CSRNP3: variants seen among roughly 807,000 people sequenced by gnomAD.
CSRNP3 encodes cysteine and serine rich nuclear protein 3.
CSRNP3 carries 12 observed loss-of-function variants against 48.0 expected under a neutral mutation model. That is an observed-to-expected ratio of 0.25 (90% CI 0.16 to 0.41). The LOEUF (loss-of-function observed/expected upper bound fraction) is 0.41, where lower values mean the gene tolerates loss of function less well. Among genes scored for constraint, CSRNP3 ranks in the 10% least tolerant of loss-of-function variants. The pLI is 1.00. For missense variants in CSRNP3, 580 were observed against 724.4 expected (o/e 0.80, Z 2.29); for synonymous variants, 263 against 269.7 (o/e 0.98, Z 0.24).
intron 1 of CSRNP3, among the ~76,000 whole-genome samples, chr2:165,473,803 T>C (rs1683923450): frequency 6.6e-6 from 1 of 152,160 alleles, no homozygotes; most frequent in African/African-American, 2.4e-5. Flanking sequence ...ATGGCCTAAA[T>C]TGTTTGAGCT....
rs138114560 is a variant in CSRNP3, at chr2:165,625,306, A to G, written c.148+30093A>G. On this transcript the variant is annotated intron_variant, in intron 4 of 6. Coordinates refer to ENST00000651982, the MANE Select transcript of CSRNP3 (RefSeq NM_001172173.2). ...GGGTAAGGAGACAGGTAACAAATAT[A>G]CATAACATGTAGTTGTAAGTGCTCT... Among the ~76,000 whole-genome samples, 7 of 152,040 alleles carry G rather than the reference A, an allele frequency of 4.6e-5. 1 individual carries two copies. In the East Asian group the frequency reaches 1.4e-3, roughly 29 times the overall value.
chr2:165,477,990 A>G (rs887974509), intron 1 of CSRNP3, among the ~76,000 whole-genome samples: 5 of 152,002 alleles, frequency 3.3e-5, no homozygotes, highest in Non-Finnish European at 7.4e-5. Flanking sequence ...AAAGAAAGAA[A>G]GAAAGGAAAG....
chr2:165,546,231 G>A (rs183448023), intron 3 of CSRNP3, among the ~76,000 whole-genome samples: 81 of 152,038 alleles, frequency 5.3e-4, no homozygotes, highest in African/African-American at 1.8e-3. Context: ...TCACTCTGTC[G>A]CCCAGGCTGG....
chr2:165,582,864 A>G (rs1685570509), intron 3 of CSRNP3, among the ~76,000 whole-genome samples: 2 of 152,228 alleles, frequency 1.3e-5, no homozygotes, highest in South Asian at 4.1e-4. Flanking sequence ...TACCGCATAT[A>G]AAGTAACTCA....
intron 3 of CSRNP3, among the ~76,000 whole-genome samples, chr2:165,537,637 TA>T (rs2105249343): frequency 1.3e-5 from 2 of 151,742 alleles, no homozygotes; most frequent in South Asian, 4.2e-4. Flanking sequence ...ACAATTTTTT[TA>T]AAAATTTCAT....
At chr2:165,621,311 A>G (rs1342209425) in intron 4 of CSRNP3, among the ~76,000 whole-genome samples, 1 of 147,198 alleles carries the variant, frequency 6.8e-6, no homozygotes, top group East Asian at 2.0e-4. Flanking sequence ...TTTTTTTGAA[A>G]TACCACTGAT....
chr2:165,516,615 T>C lies in CSRNP3; in HGVS notation c.-112-1258T>C, dbSNP rs573146128. On this transcript the variant is annotated intron_variant, in intron 2 of 6. Transcript: ENST00000651982. ...CAATTTTTTAAAAACCTAAAAATCA[T>C]TAAAAATAATAAAATTGAATTTTGA... Among the ~76,000 whole-genome samples, 12 of 152,240 alleles carry C rather than the reference T, an allele frequency of 7.9e-5. No individual in the cohort carries two copies. The South Asian group carries it at 2.5e-3, about 32-fold the overall frequency.
chr2:165,514,877 T>G (rs561765555), intron 2 of CSRNP3, among the ~76,000 whole-genome samples: 1 of 152,334 alleles, frequency 6.6e-6, no homozygotes, highest in East Asian at 1.9e-4. Context: ...TTCGGTAGAC[T>G]TCACCCTAGT....
intron 5 of CSRNP3, among the ~76,000 whole-genome samples, chr2:165,674,028 AT>A (rs1370153474): frequency 3.3e-5 from 5 of 152,182 alleles, no homozygotes; most frequent in Non-Finnish European, 7.3e-5. Flanking sequence ...CTCAAAAAAA[AT>A]AATAAATATA....
chr2:165,673,553 T>G (rs575632098), intron 5 of CSRNP3, among the ~76,000 whole-genome samples: 1 of 152,300 alleles, frequency 6.6e-6, no homozygotes, highest in South Asian at 2.1e-4. Flanking sequence ...GTAAACTGAA[T>G]CTGCAGTTCA....
In CSRNP3 at chr2:165,687,539, A is replaced by G. The variant is rs1687649620; in HGVS notation, c.*7786A>G. 6.6e-6 allele frequency: 1 copy of G among 152,036 alleles called. No homozygotes were observed. Among genetic ancestry groups the G allele is most frequent in the South Asian group, 2.1e-4 (1 of 4,830 alleles). The allele number at this position is 152,036 out of a possible 1,614,324, so 9.4% of individuals were successfully genotyped here. A position where few individuals can be genotyped will look rare whatever the true frequency, so the allele number is the denominator to read the frequency against. On this transcript the variant is annotated 3_prime_UTR_variant, in exon 7 of 7. Coordinates refer to ENST00000651982, the MANE Select transcript of CSRNP3 (RefSeq NM_001172173.2). The stretch of plus-strand genomic sequence containing the variant: ...ATTAATCTTTCCTTGGCTTAAAATG[A>G]CAAATAAGAATCCAAAGTTTTTCCA...
intron 3 of CSRNP3, among the ~76,000 whole-genome samples, chr2:165,527,199 C>CTTTTTT (rs535826285): frequency 5.7e-5 from 5 of 87,294 alleles, no homozygotes; most frequent in Non-Finnish European, 1.1e-4. Flanking sequence ...GCTGTTTGTA[C>CTTTTTT]TTTTTTTTTT....
At chr2:165,472,267 C>A (rs1290972629) in intron 1 of CSRNP3, among the ~76,000 whole-genome samples, 1 of 151,852 alleles carries the variant, frequency 6.6e-6, no homozygotes, top group Non-Finnish European at 1.5e-5. Context: ...ACGTCCAAAC[C>A]ATGTTTCATT....
chr2:165,676,733 A>T (rs1337694342), intron 6 of CSRNP3, 125 bp downstream of exon 6: 1 of 701,390 alleles, frequency 1.4e-6, no homozygotes, highest in Non-Finnish European at 2.4e-6. Context: ...AAGGCAAGAC[A>T]TGTAATTCAG....
intron 2 of CSRNP3, among the ~76,000 whole-genome samples, chr2:165,500,443 GTATA>G (rs34901472): frequency 9.7e-4 from 138 of 142,734 alleles, no homozygotes; most frequent in African/African-American, 2.1e-3. Context: ...ACACACACGT[GTATA>G]TATATATATA....
At chr2:165,674,301 C>T (rs1687383128) in intron 5 of CSRNP3, among the ~76,000 whole-genome samples, 2 of 152,028 alleles carry the variant, frequency 1.3e-5, no homozygotes, top group Admixed American at 6.6e-5. Context: ...AAAGGGAACA[C>T]TTCCTTTCTG....
Position 165,674,574 on chromosome 2 carries a change from T to C in CSRNP3, c.409-1738T>C, listed in dbSNP as rs1209947293. 4.7e-5 allele frequency among the ~76,000 whole-genome samples: 7 copies of C among 149,300 alleles called. No homozygotes were observed. In the Admixed American group the frequency reaches 4.7e-4, roughly 10 times the overall value. ...ACAAAACCCAATAAAGAGGAATGTG[T>C]ACCTTTTCATGATCACAGATTTTAA... On this transcript the variant is annotated intron_variant, in intron 5 of 6. Coordinates refer to ENST00000651982, the MANE Select transcript of CSRNP3 (RefSeq NM_001172173.2).
intron 4 of CSRNP3, among the ~76,000 whole-genome samples, chr2:165,641,689 G>T (rs1686723640): frequency 6.6e-6 from 1 of 152,150 alleles, no homozygotes; most frequent in South Asian, 2.1e-4. Flanking sequence ...AGTTATTGAA[G>T]CCTGTGTACC....
chr2:165,482,029 A>G lies in CSRNP3; in HGVS notation c.-283+12289A>G, dbSNP rs575823841. ...CATGCATACACCAAGCCCCTGTGAC[A>G]TACAATTTACACATGCAACAAACCT... On this transcript the variant is annotated intron_variant, in intron 1 of 6. Transcript: ENST00000651982. Among the ~76,000 whole-genome samples, 17 of 152,196 alleles carry G rather than the reference A, an allele frequency of 1.1e-4. No individual in the cohort carries two copies. The South Asian group carries it at 3.3e-3, about 30-fold the overall frequency.
Sources: gnomAD v4.1 joint callset for allele counts (sites outside exome capture counted in the v4.1 genomes callset) on GRCh38, gnomAD v4.1.1 for gene constraint, MANE v1.5 for transcripts, NCBI Gene and HGNC (gene_info 2026-07-23, HGNC 2026-07-21) for gene names.